The following MCTP2 variants were observed in gnomAD, a reference collection of about 807,000 sequenced individuals.
MCTP2 encodes multiple C2 and transmembrane domain containing 2.
A neutral mutation model predicts 111.6 loss-of-function variants in MCTP2; 132 were observed. The ratio of observed to expected loss-of-function variants is 1.18; its 90% CI spans 1.03 to 1.37. MCTP2 has a LOEUF of 1.37. MCTP2 is among the 40% of genes most tolerant of loss of function. The probability of loss-of-function intolerance (pLI) is 0.00; values close to 1 mark genes in which losing one functional copy is unlikely to be tolerated. For missense variants in MCTP2, 1,183 were observed against 1,067.9 expected (o/e 1.11, Z -1.50); for synonymous variants, 395 against 387.7 (o/e 1.02, Z -0.22).
At chr15:94,318,166 C>T (rs533803992) in intron 4 of MCTP2, among the ~76,000 whole-genome samples, 12 of 151,628 alleles carry the variant, frequency 7.9e-5, no homozygotes, top group African/African-American at 2.7e-4. Flanking sequence ...ATTTCTCTGG[C>T]GAGTAGAAGA....
Position 94,250,277 on chromosome 15 carries a change from A to G in MCTP2, c.-66+18613A>G, listed in dbSNP as rs116524097. Among the ~76,000 whole-genome samples the G allele has an allele frequency of 1.4e-3, 220 of 152,260 alleles. 1 individual carries two copies. The highest frequency in any genetic ancestry group is 5.0e-3 in the African/African-American group (208 of 41,538). On this transcript the variant is annotated intron_variant, in intron 1 of 22. Coordinates refer to ENST00000357742, the MANE Select transcript of MCTP2 (RefSeq NM_001385001.1). The stretch of plus-strand genomic sequence containing the variant: ...GTGTGTATCTAAAAATATATCACTT[A>G]ATATGCATTCTGTGCTACATTTCCT...
chr15:94,390,794 A>G (rs138467601), intron 14 of MCTP2, among the ~76,000 whole-genome samples: 3,258 of 126,082 alleles, frequency 0.026, 53 homozygotes, highest in Middle Eastern at 0.086. Context: ...CAGTGGCTTG[A>G]TCTTGGCTCA....
At chr15:94,407,775 GCACACACACACACA>G (rs57851445) in intron 17 of MCTP2, among the ~76,000 whole-genome samples, 1,827 of 147,792 alleles carry the variant, frequency 0.012, 30 homozygotes, top group African/African-American at 0.038. Context: ...ATGTACTTGT[GCACACACACACACA>G]CACACACACA....
At chr15:94,310,710 C>G (rs1054734430) in intron 2 of MCTP2, among the ~76,000 whole-genome samples, 3 of 150,564 alleles carry the variant, frequency 2.0e-5, no homozygotes, top group African/African-American at 7.3e-5. Context: ...TATTTCATAA[C>G]ATAAAATAAT....
At chr15:94,468,488 A>C (rs1456506496) in intron 20 of MCTP2, among the ~76,000 whole-genome samples, 1 of 152,158 alleles carries the variant, frequency 6.6e-6, no homozygotes, top group Admixed American at 6.5e-5. Context: ...AGGCCAAAAA[A>C]AAAGGTTAGA....
chr15:94,323,363 G>A (rs1432463310), intron 4 of MCTP2, among the ~76,000 whole-genome samples: 2 of 152,168 alleles, frequency 1.3e-5, no homozygotes, highest in Non-Finnish European at 2.9e-5. Flanking sequence ...GAAAAATGAA[G>A]TTGGTGGGAG....
intron 7 of MCTP2, among the ~76,000 whole-genome samples, chr15:94,344,611 T>C (rs948818099): frequency 6.6e-6 from 1 of 152,218 alleles, no homozygotes; most frequent in Non-Finnish European, 1.5e-5. Context: ...GATACTGCAT[T>C]AGCACATTTT....
At chr15:94,385,274 G>A (rs1192930848) in intron 13 of MCTP2, 149 bp from the exon 14 acceptor site, 2 of 537,790 alleles carry the variant, frequency 3.7e-6, no homozygotes, top group African/African-American at 3.8e-5. Flanking sequence ...AATACAGTCA[G>A]TTTGATTTAA....
rs117228916 is a variant in MCTP2, at chr15:94,418,875, T to C, written c.2085+16856T>C. Among the ~76,000 whole-genome samples, 25 of 152,236 alleles carry C rather than the reference T, an allele frequency of 1.6e-4. No individual in the cohort carries two copies. In the East Asian group the frequency reaches 4.8e-3, roughly 29 times the overall value. ...TGTTTAAAAATGTCCATTAATGTAT[T>C]CTAAAGAGGAAAATAAAAGTCAACA... is the stretch of plus-strand genomic sequence containing the variant. On this transcript the variant is annotated intron_variant, in intron 17 of 22. Coordinates refer to ENST00000357742, the MANE Select transcript of MCTP2 (RefSeq NM_001385001.1).
intron 1 of MCTP2, among the ~76,000 whole-genome samples, chr15:94,295,600 A>G (rs6497196): frequency 0.6 from 91,535 of 151,852 alleles, 27,851 homozygotes; most frequent in East Asian, 0.7. Context: ...CAATCTCATT[A>G]TTTTTGCTGA....
chr15:94,358,726 A>G, intron 10 of MCTP2, 114 bp downstream of exon 10: 1 of 1,248,908 alleles, frequency 8.0e-7, no homozygotes, highest in Non-Finnish European at 1.1e-6. Flanking sequence ...CTCACCCCAG[A>G]GTGCCATCAG....
intron 10 of MCTP2, among the ~76,000 whole-genome samples, chr15:94,365,611 T>G (rs1015658978): frequency 2.0e-5 from 3 of 152,204 alleles, no homozygotes; most frequent in African/African-American, 7.2e-5. Flanking sequence ...CTCACAGCGT[T>G]ACTAGAGTAC....
rs373349483 is a variant in MCTP2, at chr15:94,349,818, T to TCAAA, written c.1005+4654_1005+4655insCAAA. Among the ~76,000 whole-genome samples, 12 of 133,022 alleles carry TCAAA rather than the reference T, an allele frequency of 9.0e-5. 1 individual carries two copies. The highest frequency in any genetic ancestry group is 2.6e-4 in the African/African-American group (9 of 34,070). 87.3% of individuals were successfully genotyped at this position (133,022 alleles called of 152,430 possible). ...CTGGGCAACACAGCGGGACTCTGTC[T>TCAAA]GAAAAAAAAAAAAAAAAAGACTGGA... On this transcript the variant is annotated intron_variant, in intron 8 of 22. Coordinates refer to ENST00000357742, the MANE Select transcript of MCTP2 (RefSeq NM_001385001.1).
At chr15:94,369,933 C>A (rs577794249) in intron 11 of MCTP2, among the ~76,000 whole-genome samples, 154 bp from the exon 12 acceptor site, 11 of 150,896 alleles carry the variant, frequency 7.3e-5, no homozygotes, top group African/African-American at 2.7e-4. Context: ...AGTGCCTAAC[C>A]GTCCTGTTAT....
chr15:94,249,455 AATG>A, intron 1 of MCTP2, among the ~76,000 whole-genome samples: 1 of 152,146 alleles, frequency 6.6e-6, no homozygotes, highest in Admixed American at 6.5e-5. Context: ...TGTTCAAGTG[AATG>A]ACATCATATT....
At chr15:94,477,025 A>G (rs568632930) in intron 22 of MCTP2, among the ~76,000 whole-genome samples, 16 of 152,290 alleles carry the variant, frequency 1.1e-4, no homozygotes, top group African/African-American at 3.8e-4. Context: ...TGGAACTCAC[A>G]CTGTGTGGCT....
intron 8 of MCTP2, among the ~76,000 whole-genome samples, chr15:94,353,947 A>G (rs1251467084): frequency 6.6e-6 from 1 of 152,028 alleles, no homozygotes; most frequent in Non-Finnish European, 1.5e-5. Context: ...ACCAATACAA[A>G]AATCACTTAA....
At chr15:94,314,826 A>T (rs1044315122) in intron 3 of MCTP2, 1 of 452,764 alleles carries the variant, frequency 2.2e-6, no homozygotes, top group Non-Finnish European at 4.4e-6. Flanking sequence ...GCAGGAGTTG[A>T]TGCATTTCTG....
chr15:94,438,736 G>T lies in MCTP2; in HGVS notation c.2086-1440G>T, dbSNP rs8032728. ...TATTAGGTTTATAACAGATATGAAA[G>T]AGTATTTATAAAACATTTCAAAGAT... On this transcript the variant is annotated intron_variant, in intron 17 of 22. Transcript: ENST00000357742. 9.1e-4 allele frequency among the ~76,000 whole-genome samples: 138 copies of T among 152,114 alleles called. 1 individual carries two copies. The highest frequency in any genetic ancestry group is 3.2e-3 in the African/African-American group (132 of 41,532).
Sources: gnomAD v4.1 joint callset for allele counts (sites outside exome capture counted in the v4.1 genomes callset) on GRCh38, gnomAD v4.1.1 for gene constraint, MANE v1.5 for transcripts, NCBI Gene and HGNC (gene_info 2026-07-23, HGNC 2026-07-21) for gene names.